DLG2: variants seen among roughly 807,000 people sequenced by gnomAD.
The protein encoded by DLG2 is disks large homolog 2.
Under a neutral mutation model 132.5 loss-of-function variants are expected in DLG2, and 45 were observed. The ratio of observed to expected loss-of-function variants is 0.34; its 90% CI spans 0.27 to 0.44. The LOEUF (loss-of-function observed/expected upper bound fraction) is 0.44, where lower values mean the gene tolerates loss of function less well. Ranked by LOEUF, DLG2 falls within the 20% of genes least tolerant of loss-of-function variation. The pLI, the probability that DLG2 is intolerant of heterozygous loss-of-function variation, is 1.00. For missense variants in DLG2, 1,045 were observed against 1,196.9 expected (o/e 0.87, Z 1.87); for synonymous variants, 424 against 419.6 (o/e 1.01, Z -0.13).
At chr11:83,782,460 G>A (rs1311708889) in intron 18 of DLG2, among the ~76,000 whole-genome samples, 3 of 152,108 alleles carry the variant, frequency 2.0e-5, no homozygotes, top group African/African-American at 7.2e-5. Context: ...CTGTCATAAT[G>A]GGCACACCAG....
chr11:85,020,657 A>C (rs1263417940), intron 6 of DLG2: 4 of 406,220 alleles, frequency 9.8e-6, no homozygotes, highest in Admixed American at 3.2e-5. Context: ...AACCTGATAC[A>C]AACAAGAAAT....
At chr11:85,485,052 G>A (rs1185309876) in intron 3 of DLG2, among the ~76,000 whole-genome samples, 1 of 152,074 alleles carries the variant, frequency 6.6e-6, no homozygotes, top group Non-Finnish European at 1.5e-5. Context: ...GTCCTTTGTA[G>A]GGACATGGAT....
At chr11:84,449,065 T>C (rs1602323369) in intron 7 of DLG2, among the ~76,000 whole-genome samples, 1 of 152,064 alleles carries the variant, frequency 6.6e-6, no homozygotes, top group South Asian at 2.1e-4. Flanking sequence ...GACAAGTCAT[T>C]GTAACAAGTG....
At chr11:83,586,675 C>A (rs909611707) in intron 19 of DLG2, among the ~76,000 whole-genome samples, 4 of 152,192 alleles carry the variant, frequency 2.6e-5, no homozygotes, top group African/African-American at 9.7e-5. Context: ...TGCATAGCAG[C>A]TCTATAGGGT....
intron 5 of DLG2, among the ~76,000 whole-genome samples, chr11:85,134,835 G>A (rs2076039835): frequency 6.6e-6 from 1 of 152,012 alleles, no homozygotes; most frequent in East Asian, 1.9e-4. Context: ...CTTCAAAAGT[G>A]GCTCAAAAAA....
At chr11:83,721,195 C>T (rs1354426424) in intron 18 of DLG2, among the ~76,000 whole-genome samples, 2 of 152,154 alleles carry the variant, frequency 1.3e-5, no homozygotes, top group African/African-American at 4.8e-5. Context: ...TAAAAGGACA[C>T]TATAAGACTG....
chr11:84,498,171 T>G (rs1484626215), intron 7 of DLG2, among the ~76,000 whole-genome samples: 7 of 152,190 alleles, frequency 4.6e-5, no homozygotes, highest in African/African-American at 1.7e-4. Flanking sequence ...AATGAGTAGT[T>G]TATAAAGTAT....
intron 19 of DLG2, among the ~76,000 whole-genome samples, chr11:83,620,138 T>C (rs1164651576): frequency 6.6e-6 from 1 of 152,190 alleles, no homozygotes; most frequent in African/African-American, 2.4e-5. Context: ...TGAAAGGACA[T>C]GTCTGCCTTT....
At chr11:84,545,899 G>A (rs955762087) in intron 6 of DLG2, 1 of 157,790 alleles carries the variant, frequency 6.3e-6, no homozygotes. Context: ...GGGATTACAG[G>A]TGCCCACTAC....
intron 7 of DLG2, among the ~76,000 whole-genome samples, chr11:84,355,170 T>G (rs2098603850): frequency 6.6e-6 from 1 of 151,852 alleles, no homozygotes; most frequent in African/African-American, 2.4e-5. Context: ...TTCTTAGAGG[T>G]GTTGCTACTT....
At chr11:84,781,682 G>A (rs774399747) in intron 6 of DLG2, among the ~76,000 whole-genome samples, 4 of 152,034 alleles carry the variant, frequency 2.6e-5, no homozygotes, top group African/African-American at 7.2e-5. Context: ...TCTGACAACC[G>A]CAGTAGTTAT....
intron 6 of DLG2, among the ~76,000 whole-genome samples, chr11:85,091,905 T>C (rs1409036741): frequency 6.6e-6 from 1 of 152,182 alleles, no homozygotes; most frequent in Non-Finnish European, 1.5e-5. Flanking sequence ...TCTGTTAATG[T>C]TGATATTTTG....
chr11:83,686,577 T>C (rs981410169), intron 18 of DLG2, among the ~76,000 whole-genome samples: 7 of 151,938 alleles, frequency 4.6e-5, no homozygotes, highest in Admixed American at 1.3e-4. Context: ...ATTAAATGAA[T>C]GTTATATGTA....
chr11:84,237,380 TTATAATGCGC>T (rs1310634384), intron 8 of DLG2, among the ~76,000 whole-genome samples: 1 of 152,220 alleles, frequency 6.6e-6, no homozygotes, highest in Non-Finnish European at 1.5e-5. Context: ...GAGATACTGA[TTATAATGCGC>T]TATTGTTTAT....
rs555060231 is a variant in DLG2 at position 85,306,654 on chromosome 11, T to C, written c.41-21289A>G. On this transcript the variant is annotated intron_variant, in intron 3 of 27. Coordinates refer to ENST00000376104, the MANE Select transcript of DLG2 (RefSeq NM_001142699.3). ...GGTACGATCTTGGCTCACTGCAAGC[T>C]CCACCTCCTGGGTTCAGGCCATTCT... Among the ~76,000 whole-genome samples the C allele has an allele frequency of 4.6e-5, 7 of 152,256 alleles. No individual in the cohort carries two copies. In the South Asian group the frequency reaches 1.5e-3, roughly 32 times the overall value.
At chr11:84,443,716 G>C (rs1267465703) in intron 7 of DLG2, among the ~76,000 whole-genome samples, 1 of 152,060 alleles carries the variant, frequency 6.6e-6, no homozygotes, top group East Asian at 1.9e-4. Context: ...CATACCCCTT[G>C]CCCATTTTTA....
chr11:85,098,608 T>C (rs1284882064), intron 6 of DLG2, among the ~76,000 whole-genome samples: 9 of 152,312 alleles, frequency 5.9e-5, no homozygotes, highest in East Asian at 5.8e-4. Flanking sequence ...ACCAAATCCA[T>C]TGCAGAAACA....
chr11:84,758,752 T>A (rs373146434), intron 6 of DLG2, among the ~76,000 whole-genome samples: 1 of 152,226 alleles, frequency 6.6e-6, no homozygotes, highest in Non-Finnish European at 1.5e-5. Context: ...TAACATTTCA[T>A]AGGCAAGGAG....
intron 19 of DLG2, among the ~76,000 whole-genome samples, chr11:83,601,929 C>T (rs962873442): frequency 6.6e-6 from 1 of 152,142 alleles, no homozygotes; most frequent in Admixed American, 6.5e-5. Flanking sequence ...AGAACGAACC[C>T]TGCTTTGTAG....
Sources: allele counts gnomAD v4.1 joint callset (sites outside exome capture counted in the v4.1 genomes callset), GRCh38; gene constraint gnomAD v4.1.1; transcripts MANE v1.5; gene names NCBI Gene and HGNC (gene_info 2026-07-23, HGNC 2026-07-21).